The following ATXN10 variants were observed in gnomAD, a reference collection of about 807,000 sequenced individuals.
ATXN10 encodes the protein ataxin 10.
A neutral mutation model predicts 52.9 loss-of-function variants in ATXN10; 28 were observed. The observed-to-expected ratio is 0.53, with a 90% CI of 0.39 to 0.73. The LOEUF (loss-of-function observed/expected upper bound fraction) is 0.73. Ranked by LOEUF, ATXN10 falls within the 30% of genes least tolerant of loss-of-function variation. The pLI is 0.00. For missense variants in ATXN10, 565 were observed against 577.0 expected (o/e 0.98, Z 0.21); for synonymous variants, 226 against 221.5 (o/e 1.02, Z -0.18).
In ATXN10 at chr22:45,842,682, C is replaced by A. The variant is rs1929386292; in HGVS notation, c.1238-309C>A. Reference sequence around the variant, plus strand: ...TGTGTGTTCTTGGGTTCATAAACTTCAGTTTGAGCTACTCTAAGTCTTTGC... The same window carrying A: ...TGTGTGTTCTTGGGTTCATAAACTTAAGTTTGAGCTACTCTAAGTCTTTGC... On this transcript the variant is annotated intron_variant, in intron 10 of 11. Transcript: ENST00000252934. The surrounding 1 kb of genome is among the most constrained non-coding windows in gnomAD (Gnocchi z 4.8). Among the ~76,000 whole-genome samples the A allele has an allele frequency of 6.6e-6, 1 of 152,146 alleles. No individual in the cohort carries two copies. The highest frequency in any genetic ancestry group is 6.5e-5 in the Admixed American group (1 of 15,278).
In ATXN10 at chr22:45,740,492, G is replaced by A. The variant is rs201427871; in HGVS notation, c.1127G>A (p.Arg376His). Reference protein sequence around the residue: ...VANGFKSHLIRLIGNLCYKNK... With the variant: ...VANGFKSHLIHLIGNLCYKNK... ...AATGGGTTTAAGTCTCATCTCATTC[G>A]TCTGATTGGAAATCTGTGTTACAAG... The change falls in exon 9 of 12, where the codon CGT becomes CAT. Residue 376 changes from arginine to histidine, a missense_variant. Coordinates refer to ENST00000252934, the MANE Select transcript of ATXN10 (RefSeq NM_013236.4). 3.5e-5 allele frequency: 56 copies of A among 1,613,788 alleles called. No individual in the cohort carries two copies. The highest frequency in any genetic ancestry group is 5.3e-5 in the African/African-American group (4 of 74,942).
At chr22:45,703,294 A>T (rs1923912397) in intron 5 of ATXN10, among the ~76,000 whole-genome samples, 1 of 152,118 alleles carries the variant, frequency 6.6e-6, no homozygotes, top group Non-Finnish European at 1.5e-5. Flanking sequence ...TTCATACATA[A>T]TGTGTTATTT....
rs558152377 is a variant in ATXN10 at position 45,727,327 on chromosome 22, A to G, written c.729-2098A>G. Among the ~76,000 whole-genome samples, 5 of 125,544 alleles carry G rather than the reference A, an allele frequency of 4.0e-5. No homozygotes were observed. The highest frequency in any genetic ancestry group is 8.4e-5 in the Non-Finnish European group (5 of 59,806). 82.4% of individuals were successfully genotyped at this position (125,544 alleles called of 152,430 possible). A position where few individuals can be genotyped will look rare whatever the true frequency, so the allele number is the denominator to read the frequency against. ...TATAGTTCTGTCTGTCTGTCTATCT[A>G]TCTATATCTATCTATCTATCTATCT... On this transcript the variant is annotated intron_variant, in intron 6 of 11. Coordinates refer to ENST00000252934, the MANE Select transcript of ATXN10 (RefSeq NM_013236.4). This position sits in a 1 kb window ranked among gnomAD's most constrained non-coding sequence, Gnocchi z 4.6.
chr22:45,743,795 A>G (rs1481853226), intron 9 of ATXN10, among the ~76,000 whole-genome samples: 1 of 152,232 alleles, frequency 6.6e-6, no homozygotes, highest in Non-Finnish European at 1.5e-5. Context: ...AGCCTTGCAA[A>G]GCAGGTTCTG....
chr22:45,843,718 T>C lies in ATXN10; in HGVS notation c.*47T>C. 6.4e-7 allele frequency: 1 copy of C among 1,572,738 alleles called. No individual in the cohort carries two copies. Among genetic ancestry groups the C allele is most frequent in the South Asian group, 1.1e-5 (1 of 89,590 alleles). ...GAATTTTTGGAATCTGTTTCATGGA[T>C]TTTTCATCTTCTACCGTATGTGAAA... On this transcript the variant is annotated 3_prime_UTR_variant, in exon 12 of 12. Coordinates refer to ENST00000252934, the MANE Select transcript of ATXN10 (RefSeq NM_013236.4). This position sits in a 1 kb window ranked among gnomAD's most constrained non-coding sequence, Gnocchi z 4.5.
At chr22:45,725,701 A>G (rs1032586813) in intron 6 of ATXN10, among the ~76,000 whole-genome samples, 6 of 151,996 alleles carry the variant, frequency 3.9e-5, no homozygotes, top group Non-Finnish European at 5.9e-5. Flanking sequence ...CCAGTGTTAT[A>G]CTGAATAGAA....
chr22:45,702,661 C>T lies in ATXN10; in HGVS notation c.489-28C>T, dbSNP rs986559673. On this transcript the variant is annotated intron_variant, in intron 4 of 11. Transcript: ENST00000252934. Reference sequence around the variant, plus strand: ...TGTTTTATCATGTTACTAAATTGGGCTAACAATCTCATTTCCTTGTTTGGA... The same window carrying T: ...TGTTTTATCATGTTACTAAATTGGGTTAACAATCTCATTTCCTTGTTTGGA... 5.6e-6 allele frequency: 9 copies of T among 1,612,642 alleles called. No homozygotes were observed. The East Asian group carries it at 2.0e-4, about 36-fold the overall frequency.
chr22:45,811,508 C>G lies in ATXN10; in HGVS notation c.1237+4486C>G, dbSNP rs1000108617. On this transcript the variant is annotated intron_variant, in intron 10 of 11. Coordinates refer to ENST00000252934, the MANE Select transcript of ATXN10 (RefSeq NM_013236.4). ...TGTACCTCTTCTATGTTTAGATACACAGATACTTATCATTGTATTATAGGC... is the reference window on the plus strand; with the variant it reads ...TGTACCTCTTCTATGTTTAGATACAGAGATACTTATCATTGTATTATAGGC... Among the ~76,000 whole-genome samples, 4 of 152,168 alleles carry G rather than the reference C, an allele frequency of 2.6e-5. No individual in the cohort carries two copies. In the South Asian group the frequency reaches 8.3e-4, roughly 31 times the overall value.
At chr22:45,831,947 C>T (rs184346170) in intron 10 of ATXN10, among the ~76,000 whole-genome samples, 201 of 152,364 alleles carry the variant, frequency 1.3e-3, no homozygotes, top group Non-Finnish European at 2.1e-3. Flanking sequence ...ACACCCCCTT[C>T]CGTCACCTGT....
chr22:45,838,838 G>A (rs1185981650), intron 10 of ATXN10, among the ~76,000 whole-genome samples: 1 of 152,186 alleles, frequency 6.6e-6, no homozygotes, highest in Non-Finnish European at 1.5e-5. Flanking sequence ...AATTGATTTT[G>A]TGATTATGAT....
At position 45,820,763 on chromosome 22, in the gene ATXN10, C is replaced by T. The variant is rs924470465; in HGVS notation, c.1237+13741C>T. Among the ~76,000 whole-genome samples the T allele has an allele frequency of 7.2e-5, 11 of 152,176 alleles. No individual in the cohort carries two copies. In the South Asian group the frequency reaches 8.3e-4, roughly 11 times the overall value. Reference sequence around the variant, plus strand: ...GGTTTGCTTACCCCGGCCATCCCAACAATGGTGGTTGGTTTTTGTGAGCTG... The same window carrying T: ...GGTTTGCTTACCCCGGCCATCCCAATAATGGTGGTTGGTTTTTGTGAGCTG... On this transcript the variant is annotated intron_variant, in intron 10 of 11. Coordinates refer to ENST00000252934, the MANE Select transcript of ATXN10 (RefSeq NM_013236.4). This position sits in a 1 kb window ranked among gnomAD's most constrained non-coding sequence, Gnocchi z 4.9.
At chr22:45,782,582 G>A (rs1294476256) in intron 9 of ATXN10, among the ~76,000 whole-genome samples, 1 of 152,194 alleles carries the variant, frequency 6.6e-6, no homozygotes, top group East Asian at 1.9e-4. Context: ...AATGTAGGGT[G>A]ATAGAGGTCA....
chr22:45,715,785 G>T lies in ATXN10; in HGVS notation c.648-2628G>T. ...ACTAAGGTAGACCATAGGCTGGCCT[G>T]TACAAAAGTTTCAGTAAATGTGTAA... On this transcript the variant is annotated intron_variant, in intron 5 of 11. Transcript: ENST00000252934. The surrounding 1 kb of genome is among the most constrained non-coding windows in gnomAD (Gnocchi z 4.4). Among the ~76,000 whole-genome samples, 1 of 152,184 alleles carries T rather than the reference G, an allele frequency of 6.6e-6. No individual in the cohort carries two copies. Among genetic ancestry groups the T allele is most frequent in the Non-Finnish European group, 1.5e-5 (1 of 68,034 alleles).
intron 1 of ATXN10, chr22:45,679,068 C>G (rs917493931): frequency 1.3e-5 from 2 of 152,154 alleles, no homozygotes; most frequent in Non-Finnish European, 2.9e-5. Context: ...CTTTTGAAAG[C>G]CGTTTCTGAC....
chr22:45,816,231 G>C lies in ATXN10; in HGVS notation c.1237+9209G>C, dbSNP rs1928456989. Among the ~76,000 whole-genome samples the C allele has an allele frequency of 6.6e-6, 1 of 152,046 alleles. No individual in the cohort carries two copies. Among genetic ancestry groups the C allele is most frequent in the Non-Finnish European group, 1.5e-5 (1 of 68,006 alleles). Reference sequence around the variant, plus strand: ...TTGTGTCATTGGCACGCCAGCCTGGGTGTTGCAGCAAGACTCTATCTAAAA... The same window carrying C: ...TTGTGTCATTGGCACGCCAGCCTGGCTGTTGCAGCAAGACTCTATCTAAAA... On this transcript the variant is annotated intron_variant, in intron 10 of 11. Transcript: ENST00000252934. The surrounding 1 kb of genome is among the most constrained non-coding windows in gnomAD (Gnocchi z 5.8).
At position 45,770,318 on chromosome 22, in the gene ATXN10, A is replaced by G. The variant is rs1926731529; in HGVS notation, c.1173+29780A>G. Reference sequence around the variant, plus strand: ...AATGAATTCTTTGGTCATAGTGAGAATTTTTTTAAAATGAGACAGGATGAG... The same window carrying G: ...AATGAATTCTTTGGTCATAGTGAGAGTTTTTTTAAAATGAGACAGGATGAG... On this transcript the variant is annotated intron_variant, in intron 9 of 11. Coordinates refer to ENST00000252934, the MANE Select transcript of ATXN10 (RefSeq NM_013236.4). This position sits in a 1 kb window ranked among gnomAD's most constrained non-coding sequence, Gnocchi z 4.5. Among the ~76,000 whole-genome samples, 1 of 152,136 alleles carries G rather than the reference A, an allele frequency of 6.6e-6. No homozygotes were observed. The highest frequency in any genetic ancestry group is 1.5e-5 in the Non-Finnish European group (1 of 68,024).
At chr22:45,692,944 C>T in intron 2 of ATXN10, 52 bp from the exon 3 acceptor site, 2 of 1,470,488 alleles carry the variant, frequency 1.4e-6, no homozygotes, top group Admixed American at 1.7e-5. Context: ...CAGCCATAGA[C>T]AATATATGAA....
chr22:45,833,310 G>T lies in ATXN10; in HGVS notation c.1238-9681G>T, dbSNP rs1929052694. On this transcript the variant is annotated intron_variant, in intron 10 of 11. Coordinates refer to ENST00000252934, the MANE Select transcript of ATXN10 (RefSeq NM_013236.4). The surrounding 1 kb of genome is among the most constrained non-coding windows in gnomAD (Gnocchi z 4.3). ...GAGGTGGGGTGAGGAGGCAGGTCAG[G>T]ATGGCCATGGTAACTAATGCCATTG... 6.6e-6 allele frequency among the ~76,000 whole-genome samples: 1 copy of T among 152,158 alleles called. No individual in the cohort carries two copies. Among genetic ancestry groups the T allele is most frequent in the African/African-American group, 2.4e-5 (1 of 41,424 alleles).
In ATXN10 at chr22:45,671,883, T is replaced by G. The variant is rs1922450405; in HGVS notation, c.-181T>G. 19 of 639,118 alleles carry G rather than the reference T, an allele frequency of 3.0e-5. 2 individuals are homozygous for G. The South Asian group carries it at 3.6e-4, about 12-fold the overall frequency. 39.6% of individuals were successfully genotyped at this position (639,118 alleles called of 1,614,324 possible). On this transcript the variant is annotated 5_prime_UTR_variant, in exon 1 of 12. Transcript: ENST00000252934. ...CGAGTCTGGGCTCAGCCTAGAGCTCTCCGGCGGCGGCGCAGCTTCAGGGCA... is the reference window on the plus strand; with the variant it reads ...CGAGTCTGGGCTCAGCCTAGAGCTCGCCGGCGGCGGCGCAGCTTCAGGGCA...
Sources: gnomAD v4.1 joint callset for allele counts (sites outside exome capture counted in the v4.1 genomes callset) on GRCh38, gnomAD v4.1.1 for gene constraint, Gnocchi (gnomAD v3.1) non-coding constraint, MANE v1.5 for transcripts, NCBI Gene and HGNC (gene_info 2026-07-23, HGNC 2026-07-21) for gene names.